SV2C: variants seen among roughly 807,000 people sequenced by gnomAD.
SV2C encodes solute carrier family 22 member B3.
Under a neutral mutation model 79.7 loss-of-function variants are expected in SV2C, and 49 were observed. The observed-to-expected ratio is 0.61, with a 90% CI of 0.49 to 0.78. SV2C has a LOEUF of 0.78. SV2C is among the 30% of genes least tolerant of loss of function. The pLI is 0.00. For missense variants in SV2C, 833 were observed against 912.9 expected, an observed-to-expected ratio of 0.91 and a Z score of 1.13; for synonymous variants, 334 against 333.2, an observed-to-expected ratio of 1.00 and a Z score of -0.03.
At chr5:76,285,640 C>T (rs1747330013) in intron 5 of SV2C, 141 bp from the exon 6 acceptor site, 3 of 673,058 alleles carry the variant, frequency 4.5e-6, no homozygotes, top group Non-Finnish European at 7.7e-6. Flanking sequence ...TCCAAATAGT[C>T]TGTATGTTCC....
chr5:76,058,312 T>C, the SV2C span, among the ~76,000 whole-genome samples: 1 of 152,198 alleles, frequency 6.6e-6, no homozygotes, highest in African/African-American at 2.4e-5. Context: ...TCATTTCAGA[T>C]CTTTGATCTA....
intron 3 of SV2C, among the ~76,000 whole-genome samples, chr5:76,195,870 T>C (rs1314195727): frequency 6.6e-6 from 1 of 152,176 alleles, no homozygotes. Context: ...GACACAAGTT[T>C]ACCTCTATAA....
chr5:76,115,151 G>A (rs965834796), intron 1 of SV2C, among the ~76,000 whole-genome samples: 1 of 152,204 alleles, frequency 6.6e-6, no homozygotes, highest in African/African-American at 2.4e-5. Context: ...TAGAGTTTCT[G>A]TATAAATTTA....
the SV2C span, among the ~76,000 whole-genome samples, chr5:75,921,902 A>C: frequency 6.6e-6 from 1 of 152,100 alleles, no homozygotes; most frequent in East Asian, 1.9e-4. Context: ...CATTCAAGAA[A>C]CAATCATCTA....
intron 11 of SV2C, 89 bp from the exon 12 acceptor site, chr5:76,301,297 G>T: frequency 1.2e-5 from 18 of 1,536,070 alleles, no homozygotes. Context: ...TTAGAATTCA[G>T]TTTTCTTGAG....
At chr5:76,287,099 A>G (rs539105731) in intron 6 of SV2C, among the ~76,000 whole-genome samples, 1 of 152,332 alleles carries the variant, frequency 6.6e-6, no homozygotes, top group Non-Finnish European at 1.5e-5. Flanking sequence ...CAGGTAGTGT[A>G]TTCACTTTTC....
At chr5:75,957,073 A>G in the SV2C span, among the ~76,000 whole-genome samples, 3 of 152,092 alleles carry the variant, frequency 2.0e-5, no homozygotes, top group East Asian at 1.9e-4. Context: ...TTCCCTGAGT[A>G]CATAATCAAG....
intron 4 of SV2C, among the ~76,000 whole-genome samples, chr5:76,265,016 G>A (rs1246639648): frequency 3.3e-5 from 5 of 152,212 alleles, no homozygotes; most frequent in African/African-American, 1.2e-4. Context: ...AGAGCAGGAA[G>A]GCAGGAACAT....
rs867435272 is a variant in SV2C, at chr5:76,202,033, A to G, written c.761+6934A>G. Among the ~76,000 whole-genome samples, 957 of 150,694 alleles carry G rather than the reference A, an allele frequency of 6.4e-3. 12 individuals carry two copies. Among genetic ancestry groups the G allele is most frequent in the African/African-American group, 0.021 (869 of 40,840 alleles). On this transcript the variant is annotated intron_variant, in intron 3 of 12. Coordinates refer to ENST00000502798, the MANE Select transcript of SV2C (RefSeq NM_014979.4). ...TCCATCTCAAAAAAAAAAAAAAAAA[A>G]AAAGAAAGAAAAAGAAAATTGAGGC...
In SV2C at chr5:76,189,458, G is replaced by A. The variant is rs117758793; in HGVS notation, c.581-5461G>A. On this transcript the variant is annotated intron_variant, in intron 2 of 12. Transcript: ENST00000502798. The stretch of plus-strand genomic sequence containing the variant: ...CTTTAAGCACAAAGCATACTTTTAG[G>A]GGTCTTCAGAGGCATGGTAGAAACC... Among the ~76,000 whole-genome samples the A allele has an allele frequency of 2.0e-5, 3 of 152,246 alleles. No individual in the cohort carries two copies. The East Asian group carries it at 5.8e-4, about 29-fold the overall frequency.
intron 1 of SV2C, among the ~76,000 whole-genome samples, chr5:76,084,868 C>T (rs1485618986): frequency 2.0e-5 from 3 of 151,836 alleles, no homozygotes; most frequent in Non-Finnish European, 1.5e-5. Context: ...GAGGAAAGCC[C>T]CGCACGGCCT....
chr5:76,257,565 T>G (rs886621832), intron 4 of SV2C, among the ~76,000 whole-genome samples: 1 of 150,674 alleles, frequency 6.6e-6, no homozygotes, highest in South Asian at 2.1e-4. Flanking sequence ...TGTGTATGTG[T>G]GGGGGGACAT....
intron 1 of SV2C, among the ~76,000 whole-genome samples, chr5:76,127,835 A>T (rs938797882): frequency 6.6e-6 from 1 of 152,154 alleles, no homozygotes; most frequent in African/African-American, 2.4e-5. Flanking sequence ...AAAAATTCCG[A>T]GGCATAATTT....
In SV2C at chr5:76,330,565, C is replaced by CG. The variant is rs1342411069; in HGVS notation, c.*5018_*5019insG. On this transcript the variant is annotated 3_prime_UTR_variant, in exon 13 of 13. Coordinates refer to ENST00000502798, the MANE Select transcript of SV2C (RefSeq NM_014979.4). ...TACATGTGAACCCTCCGCGCCCCCC[C>CG]CCATAAATACAAAGTGTTATTTTTC... The CG allele has an allele frequency of 1.3e-5, 2 of 150,540 alleles. No individual in the cohort carries two copies. Among genetic ancestry groups the CG allele is most frequent in the East Asian group, 1.9e-4 (1 of 5,164 alleles). 9.3% of individuals were successfully genotyped at this position (150,540 alleles called of 1,614,324 possible).
chr5:76,097,978 C>T (rs939100636), intron 1 of SV2C, among the ~76,000 whole-genome samples: 4 of 152,092 alleles, frequency 2.6e-5, no homozygotes, highest in Non-Finnish European at 5.9e-5. Flanking sequence ...CTCCTGAAAC[C>T]CAGGCAGTCC....
chr5:75,876,920 A>C, the SV2C span, among the ~76,000 whole-genome samples: 2 of 152,120 alleles, frequency 1.3e-5, no homozygotes, highest in Non-Finnish European at 2.9e-5. Context: ...TAATAAACAA[A>C]AAGAAAAATA....
At chr5:76,159,833 A>C (rs1396521354) in intron 2 of SV2C, among the ~76,000 whole-genome samples, 4 of 152,138 alleles carry the variant, frequency 2.6e-5, no homozygotes, top group African/African-American at 4.8e-5. Flanking sequence ...TAATACTCCA[A>C]CATATCTTTT....
At chr5:76,199,231 T>C (rs1744359515) in intron 3 of SV2C, among the ~76,000 whole-genome samples, 1 of 152,322 alleles carries the variant, frequency 6.6e-6, no homozygotes, top group Non-Finnish European at 1.5e-5. Flanking sequence ...GACCATGTTT[T>C]ATCTACTTAA....
chr5:76,199,258 A>G (rs997798380), intron 3 of SV2C, among the ~76,000 whole-genome samples: 9 of 152,150 alleles, frequency 5.9e-5, no homozygotes, highest in Non-Finnish European at 1.3e-4. Context: ...CCCTCCAACC[A>G]TATCTGGTCC....
Sources: allele counts gnomAD v4.1 joint callset (sites outside exome capture counted in the v4.1 genomes callset), GRCh38; gene constraint gnomAD v4.1.1; transcripts MANE v1.5; gene names NCBI Gene and HGNC (gene_info 2026-07-23, HGNC 2026-07-21).